Variants in MRE11 observed in about 807,000 individuals in gnomAD.
The protein encoded by MRE11 is MRE11 double strand break repair nuclease.
A neutral mutation model predicts 91.7 loss-of-function variants in MRE11; 62 were observed. The observed-to-expected ratio is 0.68, with a 90% confidence interval of 0.55 to 0.84. MRE11 has a LOEUF of 0.84. Among genes scored for constraint, MRE11 ranks in the 40% least tolerant of loss-of-function variants. MRE11 has a pLI of 0.00. For missense variants in MRE11, 796 were observed against 852.9 expected (o/e 0.93, Z 0.83); for synonymous variants, 273 against 271.4 (o/e 1.01, Z -0.06).
At chr11:94,510,857 A>T in the MRE11 span, among the ~76,000 whole-genome samples, 1 of 152,254 alleles carries the variant, frequency 6.6e-6, no homozygotes, top group Admixed American at 6.5e-5. Context: ...CACACGTACA[A>T]ACATGTCAAC....
intron 19 of MRE11, among the ~76,000 whole-genome samples, chr11:94,423,749 G>A (rs879732068): frequency 6.6e-6 from 1 of 152,220 alleles, no homozygotes; most frequent in Admixed American, 6.5e-5. Context: ...AGCACAGCTG[G>A]TGCCTGACCC....
At chr11:94,426,823 T>C (rs181566310) in intron 19 of MRE11, among the ~76,000 whole-genome samples, 43 of 152,196 alleles carry the variant, frequency 2.8e-4, no homozygotes, top group African/African-American at 9.9e-4. Flanking sequence ...TAAATCCCTC[T>C]AAACACACAA....
At position 94,492,847 on chromosome 11, in the gene MRE11, A is replaced by AACCCCTGGGTACTGTACTCAAATG; in HGVS notation, c.-70_-47dup. 6.3e-7 allele frequency: 1 copy of AACCCCTGGGTACTGTACTCAAATG among 1,578,376 alleles called. No homozygotes were observed. The highest frequency in any genetic ancestry group is 1.1e-5 in the South Asian group (1 of 90,196). Reference sequence around the variant, plus strand: ...CTCTGGGACCAGGTTCTTCTCCAAGAACCCCTGGGTACTGTACTCAAATGT... The same window carrying AACCCCTGGGTACTGTACTCAAATG: ...CTCTGGGACCAGGTTCTTCTCCAAGAACCCCTGGGTACTGTACTCAAATGACCCCTGGGTACTGTACTCAAATGT... On this transcript the variant is annotated 5_prime_UTR_variant, in exon 2 of 20. Coordinates refer to ENST00000323929, the MANE Select transcript of MRE11 (RefSeq NM_005591.4).
chr11:94,476,307 A>G lies in MRE11; in HGVS notation c.641T>C (p.Phe214Ser), dbSNP rs768073516. Reference sequence around the variant, plus strand: ...GTTTTACCTGTTCTGATGAATCACAAATAAGTTAAACCAAGAGTTCTCATC... The same window carrying G: ...GTTTTACCTGTTCTGATGAATCACAGATAAGTTAAACCAAGAGTTCTCATC... ...KEDENSWFNL[F>S]VIHQNRSKHG... Residue 214 changes from phenylalanine (F) to serine (S), a missense_variant, in exon 7 of 20, where the codon TTT becomes TCT. By Grantham distance (155) the Phe-to-Ser change is radical (BLOSUM62 -2). Coordinates refer to ENST00000323929, the MANE Select transcript of MRE11 (RefSeq NM_005591.4). 1.2e-6 allele frequency: 2 copies of G among 1,612,300 alleles called. No homozygotes were observed. Among genetic ancestry groups the G allele is most frequent in the South Asian group, 2.2e-5 (2 of 91,032 alleles).
At chr11:94,438,401 A>C (rs192395013) in intron 16 of MRE11, among the ~76,000 whole-genome samples, 19 of 152,182 alleles carry the variant, frequency 1.2e-4, no homozygotes, top group Non-Finnish European at 2.8e-4. Flanking sequence ...TCTGTCCCCA[A>C]ACTTGTAATA....
intron 9 of MRE11, among the ~76,000 whole-genome samples, chr11:94,468,498 ATATCTC>A (rs1326188056): frequency 6.6e-6 from 1 of 152,200 alleles, no homozygotes; most frequent in African/African-American, 2.4e-5. Context: ...CAGTGATTAG[ATATCTC>A]CAGATGGCCA....
At chr11:94,501,902 A>G in the MRE11 span, among the ~76,000 whole-genome samples, 1 of 152,240 alleles carries the variant, frequency 6.6e-6, no homozygotes, top group Non-Finnish European at 1.5e-5. Flanking sequence ...AATAAATATC[A>G]ATATGAAATA....
intron 19 of MRE11, among the ~76,000 whole-genome samples, chr11:94,422,552 T>A (rs1228706999): frequency 1.3e-5 from 2 of 152,094 alleles, no homozygotes; most frequent in South Asian, 2.1e-4. Flanking sequence ...CTAAAAAAAA[T>A]TCCGATCCCA....
intron 14 of MRE11, among the ~76,000 whole-genome samples, chr11:94,450,812 T>C (rs1251582211): frequency 6.6e-6 from 1 of 152,096 alleles, no homozygotes; most frequent in Non-Finnish European, 1.5e-5. Flanking sequence ...TATCCAAGTA[T>C]TAGAATGAAG....
At chr11:94,474,484 T>A (rs1479474437) in intron 7 of MRE11, among the ~76,000 whole-genome samples, 3 of 151,892 alleles carry the variant, frequency 2.0e-5, no homozygotes, top group Non-Finnish European at 2.9e-5. Flanking sequence ...CAAATTTTCC[T>A]TACAGAAGAA....
At chr11:94,501,146 T>TA in the MRE11 span, among the ~76,000 whole-genome samples, 3 of 152,242 alleles carry the variant, frequency 2.0e-5, no homozygotes, top group Non-Finnish European at 2.9e-5. Context: ...CTATCTTTAT[T>TA]AAGTTCAGAA....
chr11:94,427,203 G>C (rs1945346385), intron 19 of MRE11, among the ~76,000 whole-genome samples: 1 of 152,098 alleles, frequency 6.6e-6, no homozygotes, highest in Admixed American at 6.5e-5. Flanking sequence ...CCATGATCAA[G>C]TATGCTTTAT....
chr11:94,428,344 G>C (rs936338325), intron 19 of MRE11, among the ~76,000 whole-genome samples: 7 of 152,112 alleles, frequency 4.6e-5, no homozygotes, highest in African/African-American at 1.7e-4. Context: ...GCAATGTGCA[G>C]AAGAAAATGG....
chr11:94,446,312 CAGG>C (rs1945929388), intron 15 of MRE11, among the ~76,000 whole-genome samples: 2 of 152,256 alleles, frequency 1.3e-5, no homozygotes, highest in African/African-American at 4.8e-5. Context: ...GAGGCTGAGG[CAGG>C]AGAATTGCTT....
rs929767929 is a variant in MRE11 at position 94,479,673 on chromosome 11, C to A, written c.402+1G>T. 1 of 1,610,424 alleles carries A rather than the reference C, an allele frequency of 6.2e-7. No homozygotes were observed. Among genetic ancestry groups the A allele is most frequent in the Non-Finnish European group, 8.5e-7 (1 of 1,177,426 alleles). On this transcript the variant is annotated splice_donor_variant, in intron 5 of 19. Coordinates refer to ENST00000323929, the MANE Select transcript of MRE11 (RefSeq NM_005591.4). LOFTEE classifies it high-confidence loss of function. ...ACAAACTCTAAGAAAACAATAATTACCCCTGTGGGATCGTCATGATTGCCA... is the reference window on the plus strand; with the variant it reads ...ACAAACTCTAAGAAAACAATAATTAACCCTGTGGGATCGTCATGATTGCCA...
intron 18 of MRE11, among the ~76,000 whole-genome samples, chr11:94,432,531 G>C (rs1013852738): frequency 6.6e-6 from 1 of 152,182 alleles, no homozygotes; most frequent in East Asian, 1.9e-4. Context: ...TATCTGGGAC[G>C]AGCACGGTGG....
At chr11:94,500,305 T>C in the MRE11 span, among the ~76,000 whole-genome samples, 3 of 152,186 alleles carry the variant, frequency 2.0e-5, no homozygotes, top group Non-Finnish European at 2.9e-5. Context: ...GTCTATTCCC[T>C]TGTTTTCAGA....
At chr11:94,456,970 GC>G (rs1206487780) in intron 13 of MRE11, among the ~76,000 whole-genome samples, 5 of 152,116 alleles carry the variant, frequency 3.3e-5, no homozygotes, top group African/African-American at 1.2e-4. Context: ...CCTTCAATGT[GC>G]CATATATTAT....
intron 3 of MRE11, among the ~76,000 whole-genome samples, chr11:94,488,539 C>A (rs1947200639): frequency 6.6e-6 from 1 of 152,118 alleles, no homozygotes; most frequent in African/African-American, 2.4e-5. Flanking sequence ...ATAGCAAAGA[C>A]ATGGAATCAA....
Sources: allele counts gnomAD v4.1 joint callset (sites outside exome capture counted in the v4.1 genomes callset), GRCh38; gene constraint gnomAD v4.1.1; transcripts MANE v1.5; gene names NCBI Gene and HGNC (gene_info 2026-07-23, HGNC 2026-07-21).